ITGBL1: variants seen among roughly 807,000 people sequenced by gnomAD.
ITGBL1 encodes the protein integrin subunit beta like 1.
ITGBL1 carries 51 observed loss-of-function variants against 68.5 expected under a neutral mutation model. That is an observed-to-expected ratio of 0.74 (90% confidence interval 0.59 to 0.94). The LOEUF is 0.94. Among genes scored for constraint, ITGBL1 ranks in the 40% least tolerant of loss-of-function variants. The pLI is 0.00. For missense variants in ITGBL1, 649 were observed against 647.4 expected (o/e 1.00, Z -0.03); for synonymous variants, 209 against 227.3 (o/e 0.92, Z 0.72).
At chr13:101,606,221 T>C (rs2030850241) in intron 7 of ITGBL1, among the ~76,000 whole-genome samples, 1 of 148,100 alleles carries the variant, frequency 6.8e-6, no homozygotes, top group Non-Finnish European at 1.5e-5. Context: ...ATGATATATG[T>C]ATCAGAAATT....
intron 2 of ITGBL1, among the ~76,000 whole-genome samples, chr13:101,532,308 G>T (rs1186297424): frequency 1.3e-5 from 2 of 152,110 alleles, no homozygotes; most frequent in Admixed American, 1.3e-4. Flanking sequence ...TAAATATTCA[G>T]TACATTATCT....
intron 7 of ITGBL1, among the ~76,000 whole-genome samples, chr13:101,633,175 G>A (rs1420004752): frequency 6.6e-6 from 1 of 152,100 alleles, no homozygotes; most frequent in Non-Finnish European, 1.5e-5. Flanking sequence ...GCCCTTTCAG[G>A]CATATCACAG....
intron 7 of ITGBL1, among the ~76,000 whole-genome samples, chr13:101,632,315 T>C (rs906103120): frequency 1.3e-5 from 2 of 152,296 alleles, no homozygotes; most frequent in Admixed American, 6.5e-5. Flanking sequence ...AGGTGCTCAA[T>C]ATCATCATCA....
At chr13:101,564,084 A>T (rs1555359016) in intron 2 of ITGBL1, among the ~76,000 whole-genome samples, 2 of 151,952 alleles carry the variant, frequency 1.3e-5, no homozygotes, top group Non-Finnish European at 2.9e-5. Flanking sequence ...TTATCTATAG[A>T]TTCAATGCAA....
chr13:101,703,515 T>A (rs1197594340), intron 8 of ITGBL1, among the ~76,000 whole-genome samples: 2 of 152,208 alleles, frequency 1.3e-5, no homozygotes, highest in African/African-American at 4.8e-5. Context: ...TAGGAAGTTA[T>A]ACGGGACTAA....
At chr13:101,611,189 G>A (rs920749270) in intron 7 of ITGBL1, among the ~76,000 whole-genome samples, 4 of 152,156 alleles carry the variant, frequency 2.6e-5, no homozygotes, top group African/African-American at 9.7e-5. Context: ...TGTCATAATT[G>A]TCTTATGAGG....
At chr13:101,465,681 A>G (rs1193249507) in intron 2 of ITGBL1, among the ~76,000 whole-genome samples, 2 of 152,172 alleles carry the variant, frequency 1.3e-5, no homozygotes, top group East Asian at 3.8e-4. Flanking sequence ...CCACTTATCT[A>G]CTATGTGATC....
chr13:101,488,416 A>G (rs2048730008), intron 2 of ITGBL1, among the ~76,000 whole-genome samples: 1 of 152,192 alleles, frequency 6.6e-6, no homozygotes. Flanking sequence ...ATGCCTGCTT[A>G]GCTTTCCCAC....
intron 2 of ITGBL1, among the ~76,000 whole-genome samples, chr13:101,477,270 T>C (rs553406069): frequency 2.0e-5 from 3 of 151,930 alleles, no homozygotes; most frequent in Non-Finnish European, 4.4e-5. Flanking sequence ...AATTAAGAAA[T>C]AAATTTAAAA....
At chr13:101,467,951 G>A (rs1409689537) in intron 2 of ITGBL1, among the ~76,000 whole-genome samples, 1 of 152,114 alleles carries the variant, frequency 6.6e-6, no homozygotes, top group Non-Finnish European at 1.5e-5. Flanking sequence ...GGTATTAACT[G>A]TAAATTCATG....
At chr13:101,624,868 G>C (rs148089986) in intron 7 of ITGBL1, among the ~76,000 whole-genome samples, 52 of 152,268 alleles carry the variant, frequency 3.4e-4, no homozygotes, top group African/African-American at 1.2e-3. Context: ...AGGGGGTGGA[G>C]AAAGGTATTT....
At chr13:101,629,105 GA>G (rs1429074312) in intron 7 of ITGBL1, among the ~76,000 whole-genome samples, 6 of 152,118 alleles carry the variant, frequency 3.9e-5, no homozygotes, top group African/African-American at 7.2e-5. Context: ...TGCTGAGTCT[GA>G]AATTTAGGCT....
rs538745040 is a variant in ITGBL1 at position 101,714,837 on chromosome 13, T to C, written c.1393+286T>C. The C allele has an allele frequency of 1.9e-5, 7 of 372,668 alleles. No homozygotes were observed. In the South Asian group the frequency reaches 2.9e-4, roughly 15 times the overall value. The allele number at this position is 372,668 out of a possible 1,614,324, so 23.1% of individuals were successfully genotyped here. On this transcript the variant is annotated intron_variant, in intron 10 of 10. Transcript: ENST00000376180. The stretch of plus-strand genomic sequence containing the variant: ...AACTCACATGTATGCAGTTGTATAT[T>C]GAACACAGAAAAGAATTTTGTTGGC...
intron 1 of ITGBL1, 38 bp from the exon 2 acceptor site, chr13:101,453,845 G>T: frequency 2.5e-6 from 3 of 1,221,710 alleles, no homozygotes; most frequent in Non-Finnish European, 3.1e-6. Flanking sequence ...CGGCGTCCGC[G>T]TCTGACCCGG....
intron 7 of ITGBL1, among the ~76,000 whole-genome samples, chr13:101,600,399 T>C (rs995699188): frequency 1.3e-5 from 2 of 152,246 alleles, no homozygotes; most frequent in Non-Finnish European, 2.9e-5. Context: ...ACAATTTGAC[T>C]TCCTCTTTTC....
intron 2 of ITGBL1, among the ~76,000 whole-genome samples, chr13:101,482,830 G>A (rs1176368758): frequency 6.6e-6 from 1 of 152,232 alleles, no homozygotes; most frequent in African/African-American, 2.4e-5. Flanking sequence ...GAAGTAGTTA[G>A]GACTGTGATT....
At chr13:101,456,848 G>A (rs1412469102) in intron 2 of ITGBL1, among the ~76,000 whole-genome samples, 1 of 152,192 alleles carries the variant, frequency 6.6e-6, no homozygotes, top group East Asian at 1.9e-4. Context: ...CCGGCAGGCA[G>A]AGGTTGCAGT....
intron 7 of ITGBL1, among the ~76,000 whole-genome samples, chr13:101,642,976 A>G (rs1366836006): frequency 7.1e-4 from 93 of 131,588 alleles, no homozygotes; most frequent in African/African-American, 9.4e-4. Flanking sequence ...GCCTTGTAGT[A>G]TAGTTTGAAG....
intron 6 of ITGBL1, among the ~76,000 whole-genome samples, chr13:101,593,795 G>T (rs2050698023): frequency 6.6e-6 from 1 of 151,998 alleles, no homozygotes; most frequent in Admixed American, 6.6e-5. Flanking sequence ...GTTGGTCTGT[G>T]GTCCAAGTTA....
Sources: allele counts gnomAD v4.1 joint callset (sites outside exome capture counted in the v4.1 genomes callset), GRCh38; gene constraint gnomAD v4.1.1; transcripts MANE v1.5; gene names NCBI Gene and HGNC (gene_info 2026-07-23, HGNC 2026-07-21).